MAP3K5: variants seen among roughly 807,000 people sequenced by gnomAD.
The protein encoded by MAP3K5 is mitogen-activated protein kinase kinase kinase 5, also known as ASK-1.
In MAP3K5, 56 loss-of-function variants were observed where a neutral mutation model predicts 158.7. The ratio of observed to expected loss-of-function variants is 0.35; its 90% CI spans 0.28 to 0.44. The LOEUF (loss-of-function observed/expected upper bound fraction) is 0.44, where lower values mean the gene tolerates loss of function less well. Among genes scored for constraint, MAP3K5 ranks in the 20% least tolerant of loss-of-function variants. MAP3K5 has a pLI of 1.00. For synonymous variants in MAP3K5, 579 were observed against 601.7 expected (o/e 0.96, Z 0.55); for missense variants, 1,294 against 1,674.8 (o/e 0.77, Z 3.97).
intron 23 of MAP3K5, among the ~76,000 whole-genome samples, chr6:136,587,594 CAA>C (rs1775195178): frequency 2.6e-5 from 4 of 152,170 alleles, no homozygotes; most frequent in African/African-American, 9.7e-5. Context: ...CAATGACCTG[CAA>C]TAGCAGCTGT....
At chr6:136,580,561 A>C (rs894149443) in intron 24 of MAP3K5, among the ~76,000 whole-genome samples, 155 bp from the exon 25 acceptor site, 2 of 152,250 alleles carry the variant, frequency 1.3e-5, no homozygotes, top group African/African-American at 4.8e-5. Context: ...AAACAAAGTA[A>C]AAATTGCTAC....
At chr6:136,621,911 C>T (rs1053819143) in intron 15 of MAP3K5, among the ~76,000 whole-genome samples, 3 of 151,990 alleles carry the variant, frequency 2.0e-5, no homozygotes, top group Non-Finnish European at 4.4e-5. Context: ...ACGGTGAAAC[C>T]GCGTCTCTAT....
At chr6:136,568,402 C>T (rs1774214167) in intron 25 of MAP3K5, among the ~76,000 whole-genome samples, 1 of 152,222 alleles carries the variant, frequency 6.6e-6, no homozygotes, top group Non-Finnish European at 1.5e-5. Context: ...GAAAATGCCA[C>T]ACGCAGGCTG....
intron 1 of MAP3K5, among the ~76,000 whole-genome samples, chr6:136,759,763 T>G (rs1481062797): frequency 1.7e-3 from 1 of 594 alleles, no homozygotes; most frequent in Non-Finnish European, 6.4e-3. Context: ...AGCCCTCTAT[T>G]TTTTTTTTTT....
chr6:136,606,777 T>C (rs959672354), intron 18 of MAP3K5, among the ~76,000 whole-genome samples: 3 of 152,254 alleles, frequency 2.0e-5, no homozygotes, highest in Non-Finnish European at 4.4e-5. Context: ...GACATTTTGA[T>C]AAATACAGAT....
intron 4 of MAP3K5, 26 bp from the exon 5 acceptor site, chr6:136,697,413 G>T: frequency 1.3e-6 from 2 of 1,554,998 alleles, no homozygotes; most frequent in Non-Finnish European, 1.7e-6. Flanking sequence ...ACATTTCAAA[G>T]AGTTTGACAT....
At chr6:136,791,563 C>G in intron 1 of MAP3K5, 147 bp downstream of exon 1, 1 of 817,976 alleles carries the variant, frequency 1.2e-6, no homozygotes, top group South Asian at 1.6e-5. Context: ...CGGCGAGCGA[C>G]AGGAGCAGTC....
intron 1 of MAP3K5, among the ~76,000 whole-genome samples, chr6:136,790,715 G>A (rs1456014031): frequency 4.6e-5 from 7 of 152,184 alleles, no homozygotes; most frequent in African/African-American, 1.7e-4. Context: ...AATGCAAGAA[G>A]TGTATTGTTT....
intron 1 of MAP3K5, among the ~76,000 whole-genome samples, chr6:136,742,180 G>A (rs1782736989): frequency 6.6e-6 from 1 of 152,086 alleles, no homozygotes; most frequent in Non-Finnish European, 1.5e-5. Flanking sequence ...AAGACCAGAA[G>A]AGCCAACACA....
chr6:136,685,149 CA>C (rs113703763), intron 7 of MAP3K5, among the ~76,000 whole-genome samples: 27,657 of 144,566 alleles, frequency 0.19, 6,277 homozygotes, highest in African/African-American at 0.55. Flanking sequence ...CTTGTCTCTG[CA>C]AAAAAAAAAA....
rs1301902362 is a variant in MAP3K5, at chr6:136,559,347, G to A, written c.3988-471C>T. Among the ~76,000 whole-genome samples the A allele has an allele frequency of 4.4e-5, 6 of 137,294 alleles. No homozygotes were observed. The South Asian group carries it at 6.8e-4, about 16-fold the overall frequency. The allele number at this position is 137,294 out of a possible 152,430, so 90.1% of individuals were successfully genotyped here. A position where few individuals can be genotyped will look rare whatever the true frequency, so the allele number is the denominator to read the frequency against. On this transcript the variant is annotated intron_variant, in intron 28 of 29. Coordinates refer to ENST00000359015, the MANE Select transcript of MAP3K5 (RefSeq NM_005923.4). The stretch of plus-strand genomic sequence containing the variant: ...AGCCTGGGCGACAGAGTGAGACTCC[G>A]TCTCAAAAAAACAAAAACAAAAACA...
rs554183390 is a variant in MAP3K5 at position 136,712,272 on chromosome 6, C to A, written c.589-7139G>T. Among the ~76,000 whole-genome samples, 32 of 151,120 alleles carry A rather than the reference C, an allele frequency of 2.1e-4. No individual in the cohort carries two copies. The South Asian group carries it at 6.7e-3, about 32-fold the overall frequency. On this transcript the variant is annotated intron_variant, in intron 2 of 29. Transcript: ENST00000359015. ...TCTCAGCTCACTGCAACCTCAACCTCCCCAGGCTCAGGCAATTCTCCTACC... is the reference window on the plus strand; with the variant it reads ...TCTCAGCTCACTGCAACCTCAACCTACCCAGGCTCAGGCAATTCTCCTACC...
chr6:136,614,418 T>G, intron 15 of MAP3K5, 132 bp from the exon 16 acceptor site: 3 of 879,070 alleles, frequency 3.4e-6, no homozygotes, highest in Non-Finnish European at 5.2e-6. Context: ...CTTAAGGCCT[T>G]TATTTCTCCT....
At chr6:136,710,807 A>C (rs1781274083) in intron 2 of MAP3K5, among the ~76,000 whole-genome samples, 1 of 152,042 alleles carries the variant, frequency 6.6e-6, no homozygotes, top group African/African-American at 2.4e-5. Context: ...CTGGCTGGTG[A>C]CTTTCTGGGT....
chr6:136,772,329 A>C (rs1784240425), intron 1 of MAP3K5, among the ~76,000 whole-genome samples: 1 of 152,264 alleles, frequency 6.6e-6, no homozygotes. Context: ...TTCCTACCCT[A>C]CTGTGGTAAG....
intron 28 of MAP3K5, among the ~76,000 whole-genome samples, chr6:136,560,389 G>C (rs989105387): frequency 1.3e-5 from 2 of 151,998 alleles, no homozygotes; most frequent in African/African-American, 4.8e-5. Flanking sequence ...CTGAGGCAGG[G>C]AATCTCTCGA....
intron 7 of MAP3K5, among the ~76,000 whole-genome samples, chr6:136,676,508 C>T (rs75895462): frequency 0.013 from 2,041 of 152,174 alleles, 52 homozygotes; most frequent in African/African-American, 0.039. Context: ...AATAAAAATA[C>T]TGATGTTGTT....
intron 1 of MAP3K5, among the ~76,000 whole-genome samples, chr6:136,778,326 T>G (rs1436124301): frequency 6.6e-6 from 1 of 152,194 alleles, no homozygotes; most frequent in Non-Finnish European, 1.5e-5. Context: ...CATTTTCACA[T>G]CTTTTATAGC....
chr6:136,791,896 T>C lies in MAP3K5; in HGVS notation c.262A>G (p.Ser88Gly). The change falls in exon 1 of 30, where the codon AGC becomes GGC. Residue 88 changes from serine (S) to glycine (G), a missense_variant. By Grantham distance (56) the Ser-to-Gly change is moderately conservative. This residue lies in a region of MAP3K5 where 690 missense variants were observed against 870.5 expected (regional missense o/e 0.79). Coordinates refer to ENST00000359015, the MANE Select transcript of MAP3K5 (RefSeq NM_005923.4). ...RGRGSSVGGGSRRTTVAYVIN... is the reference protein window; with the variant it reads ...RGRGSSVGGGGRRTTVAYVIN... Reference sequence around the variant, plus strand: ...ACATATGCCACCGTGGTCCGTCGGCTGCCCCCGCCAACAGAGCTGCCCCGG... The same window carrying C: ...ACATATGCCACCGTGGTCCGTCGGCCGCCCCCGCCAACAGAGCTGCCCCGG... The C allele has an allele frequency of 6.2e-7, 1 of 1,613,196 alleles. No individual in the cohort carries two copies. Among genetic ancestry groups the C allele is most frequent in the Non-Finnish European group, 8.5e-7 (1 of 1,179,902 alleles).
Sources: allele counts gnomAD v4.1 joint callset (sites outside exome capture counted in the v4.1 genomes callset), GRCh38; gene constraint gnomAD v4.1.1; regional missense constraint gnomAD v4.1.1; transcripts MANE v1.5; gene names NCBI Gene and HGNC (gene_info 2026-07-23, HGNC 2026-07-21).